NRXN1: variants seen among roughly 807,000 people sequenced by gnomAD.
NRXN1 encodes the protein neurexin-1.
In NRXN1, 39 loss-of-function variants were observed where a neutral mutation model predicts 150.9. The ratio of observed to expected loss-of-function variants is 0.26; its 90% CI spans 0.20 to 0.34. The LOEUF is 0.34. Among genes scored for constraint, NRXN1 ranks in the 10% least tolerant of loss-of-function variants. The pLI, the probability that NRXN1 is intolerant of heterozygous loss-of-function variation, is 1.00. For synonymous variants in NRXN1, 924 were observed against 757.0 expected (o/e 1.22, Z -3.62); for missense variants, 1,815 against 1,949.9 (o/e 0.93, Z 1.30).
chr2:50,917,323 C>T (rs1685353732), intron 5 of NRXN1: 1 of 151,464 alleles, frequency 6.6e-6, no homozygotes, highest in African/African-American at 2.4e-5. Flanking sequence ...TTTTAATAAC[C>T]AAATTAGGTC....
At chr2:50,914,862 A>T in intron 5 of NRXN1, among the ~76,000 whole-genome samples, 1 of 151,662 alleles carries the variant, frequency 6.6e-6, no homozygotes, top group Non-Finnish European at 1.5e-5. Flanking sequence ...ATTAAACAAG[A>T]ATTTATTGAG....
At chr2:50,368,064 CAA>C (rs2079729504) in intron 17 of NRXN1, among the ~76,000 whole-genome samples, 1 of 151,988 alleles carries the variant, frequency 6.6e-6, no homozygotes. Flanking sequence ...CACCACTTAG[CAA>C]AGACTGTCTT....
At chr2:50,866,226 G>A (rs1676921688) in intron 5 of NRXN1, among the ~76,000 whole-genome samples, 2 of 151,840 alleles carry the variant, frequency 1.3e-5, no homozygotes, top group South Asian at 4.1e-4. Flanking sequence ...TGAAACTGTG[G>A]CTAATGGCCA....
At chr2:50,354,863 C>G (rs1325306951) in intron 17 of NRXN1, among the ~76,000 whole-genome samples, 1 of 151,896 alleles carries the variant, frequency 6.6e-6, no homozygotes, top group African/African-American at 2.4e-5. Context: ...ATCTGTGTGC[C>G]TGAATTCCAA....
At chr2:50,860,983 C>G (rs1420387099) in intron 5 of NRXN1, among the ~76,000 whole-genome samples, 1 of 151,986 alleles carries the variant, frequency 6.6e-6, no homozygotes, top group Non-Finnish European at 1.5e-5. Context: ...ATGTTATAAG[C>G]AATAAAATTT....
Position 50,322,016 on chromosome 2 carries a change from C to A in NRXN1, c.3365-85046G>T, listed in dbSNP as rs1391637876. 3.7e-5 allele frequency among the ~76,000 whole-genome samples: 5 copies of A among 134,986 alleles called. No individual in the cohort carries two copies. The Admixed American group carries it at 3.9e-4, about 11-fold the overall frequency. The allele number at this position is 134,986 out of a possible 152,430, so 88.6% of individuals were successfully genotyped here. On this transcript the variant is annotated intron_variant, in intron 17 of 22. Coordinates refer to ENST00000401669, the MANE Select transcript of NRXN1 (RefSeq NM_001330078.2). ...AAAGTGGTCTACCTGTGATCACAGA[C>A]GTAAAAAATTACAACATCAAAAAAA...
chr2:50,981,640 A>G (rs1465548188), intron 2 of NRXN1, among the ~76,000 whole-genome samples: 1 of 151,980 alleles, frequency 6.6e-6, no homozygotes, highest in African/African-American at 2.4e-5. Context: ...TTTTTAACCA[A>G]AAGAACAGTC....
At chr2:50,129,399 T>C (rs1705129807) in intron 18 of NRXN1, among the ~76,000 whole-genome samples, 1 of 152,212 alleles carries the variant, frequency 6.6e-6, no homozygotes, top group Non-Finnish European at 1.5e-5. Flanking sequence ...AGATTTCCAC[T>C]GAAATATGTT....
chr2:50,696,593 T>C (rs1692914190), intron 5 of NRXN1, among the ~76,000 whole-genome samples: 2 of 152,162 alleles, frequency 1.3e-5, no homozygotes, highest in Admixed American at 1.3e-4. Flanking sequence ...ATTTTCTTTG[T>C]GGTTCTGAGC....
intron 10 of NRXN1, among the ~76,000 whole-genome samples, chr2:50,533,874 A>G (rs1011500896): frequency 1.3e-5 from 2 of 152,160 alleles, no homozygotes; most frequent in Admixed American, 6.6e-5. Flanking sequence ...GTTACTCCAG[A>G]GAGACCTGCT....
intron 17 of NRXN1, chr2:50,417,088 A>C (rs2083594078): frequency 6.6e-6 from 1 of 152,082 alleles, no homozygotes; most frequent in African/African-American, 2.4e-5. Context: ...CCTACCTTGA[A>C]TGAGGAAAGA....
intron 17 of NRXN1, among the ~76,000 whole-genome samples, chr2:50,389,254 G>A (rs1429001978): frequency 6.7e-6 from 1 of 149,070 alleles, no homozygotes. Context: ...GACAGATTCA[G>A]GCATATGAAT....
chr2:50,834,806 T>C (rs974089752), intron 5 of NRXN1, among the ~76,000 whole-genome samples: 5 of 152,068 alleles, frequency 3.3e-5, no homozygotes, highest in Non-Finnish European at 5.9e-5. Context: ...GGGTGCATCA[T>C]TGTAATAGGA....
intron 8 of NRXN1, among the ~76,000 whole-genome samples, chr2:50,564,936 G>C (rs1299236824): frequency 1.3e-5 from 2 of 152,074 alleles, no homozygotes; most frequent in Admixed American, 1.3e-4. Flanking sequence ...ATTTCTCATG[G>C]CACACGTTAG....
chr2:50,097,070 C>T (rs1700323554), intron 18 of NRXN1, among the ~76,000 whole-genome samples: 1 of 152,150 alleles, frequency 6.6e-6, no homozygotes, highest in Non-Finnish European at 1.5e-5. Context: ...AGACATGTTA[C>T]ATAAGATTTT....
rs1670412263 is a variant in NRXN1, at chr2:50,569,943, A to G, written c.1321-16918T>C. Among the ~76,000 whole-genome samples the G allele has an allele frequency of 2.0e-5, 3 of 152,332 alleles. No individual in the cohort carries two copies. The South Asian group carries it at 6.2e-4, about 32-fold the overall frequency. On this transcript the variant is annotated intron_variant, in intron 8 of 22. Transcript: ENST00000401669. ...GAAGGATTATAAAAAAGATTAAAGA[A>G]TTCAGAATAAACACTTGAGACCTTG...
At chr2:50,309,964 TAG>T (rs2075040477) in intron 17 of NRXN1, among the ~76,000 whole-genome samples, 1 of 152,288 alleles carries the variant, frequency 6.6e-6, no homozygotes, top group African/African-American at 2.4e-5. Flanking sequence ...CTTCCAAGGC[TAG>T]AGGCCTGAGG....
intron 8 of NRXN1, among the ~76,000 whole-genome samples, chr2:50,583,905 T>A (rs1268615590): frequency 6.6e-6 from 1 of 152,156 alleles, no homozygotes; most frequent in East Asian, 1.9e-4. Flanking sequence ...GTGCTTAAAA[T>A]CCCTGATTTC....
intron 13 of NRXN1, among the ~76,000 whole-genome samples, chr2:50,499,175 T>G (rs2091811311): frequency 6.6e-6 from 1 of 152,188 alleles, no homozygotes; most frequent in Non-Finnish European, 1.5e-5. Context: ...TATGTTTGCT[T>G]AAGTGACTTT....
Sources: gnomAD v4.1 joint callset for allele counts (sites outside exome capture counted in the v4.1 genomes callset) on GRCh38, gnomAD v4.1.1 for gene constraint, MANE v1.5 for transcripts, NCBI Gene and HGNC (gene_info 2026-07-23, HGNC 2026-07-21) for gene names.